The following SUPT3H variants were observed in gnomAD, a reference collection of about 807,000 sequenced individuals.
The protein encoded by SUPT3H is SPT3 homolog, SAGA and STAGA complex component.
In SUPT3H, 44 loss-of-function variants were observed where a neutral mutation model predicts 44.3. The ratio of observed to expected loss-of-function variants is 0.99; its 90% CI spans 0.78 to 1.28. SUPT3H has a LOEUF of 1.28. Ranked by LOEUF, SUPT3H falls within the 50% of genes most tolerant of loss-of-function variation. The pLI is 0.00. For missense variants in SUPT3H, 380 were observed against 387.1 expected (o/e 0.98, Z 0.15); for synonymous variants, 124 against 125.6 (o/e 0.99, Z 0.09).
chr6:45,298,896 T>TA (rs1429506583), intron 2 of SUPT3H, among the ~76,000 whole-genome samples: 2 of 152,184 alleles, frequency 1.3e-5, no homozygotes, highest in African/African-American at 4.8e-5. Flanking sequence ...CTTTTTATAT[T>TA]AAAAATTTTT....
At chr6:45,199,445 T>C in intron 2 of SUPT3H, among the ~76,000 whole-genome samples, 1 of 150,380 alleles carries the variant, frequency 6.6e-6, no homozygotes, top group Non-Finnish European at 1.5e-5. Flanking sequence ...TTTTGCATAT[T>C]TCTTTAACTC....
intron 2 of SUPT3H, among the ~76,000 whole-genome samples, chr6:45,267,115 A>C (rs1162076173): frequency 6.6e-6 from 1 of 152,190 alleles, no homozygotes; most frequent in East Asian, 1.9e-4. Context: ...AAGTATTCCA[A>C]AATATGAAAA....
Position 45,095,343 on chromosome 6 carries a change from A to G in SUPT3H, c.186+10579T>C, listed in dbSNP as rs770702051. On this transcript the variant is annotated intron_variant, in intron 3 of 10. Coordinates refer to ENST00000371459, the MANE Select transcript of SUPT3H (RefSeq NM_003599.4). The surrounding 1 kb of genome is among the most constrained non-coding windows in gnomAD (Gnocchi z 4.1). ...ACCCATAAAACATTACTGAGGTGGC[A>G]TAAGTGACAGCCTCACAGAACTGGT... Among the ~76,000 whole-genome samples, 1 of 152,186 alleles carries G rather than the reference A, an allele frequency of 6.6e-6. No homozygotes were observed. The highest frequency in any genetic ancestry group is 1.5e-5 in the Non-Finnish European group (1 of 68,008).
chr6:44,870,802 G>A (rs565040162), intron 10 of SUPT3H, among the ~76,000 whole-genome samples: 278 of 151,088 alleles, frequency 1.8e-3, no homozygotes, highest in Non-Finnish European at 2.6e-3. Context: ...CACCCTGCGC[G>A]AGCTGAAGCA....
chr6:44,810,872 C>T (rs1766466499), intron 11 of SUPT3H, among the ~76,000 whole-genome samples: 1 of 151,122 alleles, frequency 6.6e-6, no homozygotes, highest in Non-Finnish European at 1.5e-5. Flanking sequence ...TGCCACTGCA[C>T]TCCAGCCTGG....
At chr6:44,811,324 A>G (rs1766504955) in intron 11 of SUPT3H, among the ~76,000 whole-genome samples, 1 of 152,180 alleles carries the variant, frequency 6.6e-6, no homozygotes, top group Non-Finnish European at 1.5e-5. Flanking sequence ...CCACAAAGGT[A>G]TTTATACCCT....
chr6:44,953,287 A>G (rs1382012874), intron 9 of SUPT3H, 23 bp downstream of exon 9: 1 of 1,589,938 alleles, frequency 6.3e-7, no homozygotes, highest in African/African-American at 1.3e-5. Flanking sequence ...AAATGTTTTA[A>G]GACAGATTTT....
At chr6:45,165,129 G>A (rs1583951958) in intron 2 of SUPT3H, among the ~76,000 whole-genome samples, 1 of 152,162 alleles carries the variant, frequency 6.6e-6, no homozygotes, top group African/African-American at 2.4e-5. Context: ...TTACTGCTAG[G>A]GGAAGAGCAA....
At chr6:44,952,709 G>A (rs1028300404) in intron 9 of SUPT3H, among the ~76,000 whole-genome samples, 21 of 152,304 alleles carry the variant, frequency 1.4e-4, no homozygotes, top group Middle Eastern at 3.4e-3. Context: ...GTTTACAGAG[G>A]AGATTCTGTA....
At chr6:44,996,102 C>A (rs1444260899) in intron 6 of SUPT3H, among the ~76,000 whole-genome samples, 1 of 151,622 alleles carries the variant, frequency 6.6e-6, no homozygotes, top group East Asian at 1.9e-4. Context: ...GAGAAATTAC[C>A]AAATGTAGGT....
chr6:44,894,585 C>G (rs890868810), intron 10 of SUPT3H, among the ~76,000 whole-genome samples: 2 of 152,094 alleles, frequency 1.3e-5, no homozygotes, highest in African/African-American at 2.4e-5. Flanking sequence ...ATGTATATCT[C>G]TGTTTTGGTA....
intron 2 of SUPT3H, among the ~76,000 whole-genome samples, chr6:45,300,226 G>C (rs1217972279): frequency 1.3e-5 from 2 of 152,110 alleles, no homozygotes; most frequent in Non-Finnish European, 2.9e-5. Context: ...ACCAAAGATA[G>C]AACAAATCTT....
At chr6:45,170,583 G>A (rs1810607404) in intron 2 of SUPT3H, among the ~76,000 whole-genome samples, 1 of 152,178 alleles carries the variant, frequency 6.6e-6, no homozygotes, top group East Asian at 1.9e-4. Flanking sequence ...TAAAAGGTGT[G>A]TTAGTTTATC....
At chr6:44,997,069 G>A (rs547150991) in intron 6 of SUPT3H, among the ~76,000 whole-genome samples, 4 of 151,802 alleles carry the variant, frequency 2.6e-5, no homozygotes, top group East Asian at 3.9e-4. Context: ...GTGGTATTAG[G>A]TTGGTGCAAA....
intron 2 of SUPT3H, among the ~76,000 whole-genome samples, chr6:45,185,971 T>C (rs1814140024): frequency 6.6e-6 from 1 of 152,114 alleles, no homozygotes; most frequent in African/African-American, 2.4e-5. Flanking sequence ...GGCACTCCAC[T>C]TTCCCCTCCT....
At chr6:44,960,919 C>A (rs1266197473) in intron 7 of SUPT3H, among the ~76,000 whole-genome samples, 7 of 152,052 alleles carry the variant, frequency 4.6e-5, no homozygotes, top group Admixed American at 2.6e-4. Context: ...ATGAAGCTCT[C>A]CCTTTCTTTT....
intron 10 of SUPT3H, among the ~76,000 whole-genome samples, chr6:44,908,717 G>A (rs1040808695): frequency 6.6e-6 from 1 of 151,962 alleles, no homozygotes; most frequent in African/African-American, 2.4e-5. Context: ...ACTATGCAAA[G>A]AACTGTGGAA....
chr6:44,927,715 G>C (rs1769743399), intron 10 of SUPT3H, among the ~76,000 whole-genome samples: 1 of 152,024 alleles, frequency 6.6e-6, no homozygotes, highest in Non-Finnish European at 1.5e-5. Context: ...AATCCAAAGA[G>C]TAAAAATGAA....
At chr6:45,123,509 G>T (rs1236436524) in intron 2 of SUPT3H, among the ~76,000 whole-genome samples, 1 of 151,294 alleles carries the variant, frequency 6.6e-6, no homozygotes, top group Non-Finnish European at 1.5e-5. Context: ...ATAGTGCTGG[G>T]ATTATAGCTG....
Sources: allele counts gnomAD v4.1 joint callset (sites outside exome capture counted in the v4.1 genomes callset), GRCh38; gene constraint gnomAD v4.1.1; non-coding constraint Gnocchi (gnomAD v3.1); transcripts MANE v1.5; gene names NCBI Gene and HGNC (gene_info 2026-07-23, HGNC 2026-07-21).